Variants in IGF1R observed in about 807,000 individuals in gnomAD.
IGF1R encodes insulin like growth factor 1 receptor, also known as insulin-like growth factor 1 receptor.
In IGF1R, 44 loss-of-function variants were observed where a neutral mutation model predicts 144.6. That is an observed-to-expected ratio of 0.30 (90% CI 0.24 to 0.39). The LOEUF is 0.39. IGF1R is among the 10% of genes least tolerant of loss of function. The pLI, the probability that IGF1R is intolerant of heterozygous loss-of-function variation, is 1.00. For synonymous variants in IGF1R, 795 were observed against 722.8 expected (o/e 1.10, Z -1.60); for missense variants, 1,355 against 1,833.7 (o/e 0.74, Z 4.77).
intron 5 of IGF1R, chr15:98,900,506 G>A (rs1349483628): frequency 6.6e-6 from 1 of 152,212 alleles, no homozygotes; most frequent in Non-Finnish European, 1.5e-5. Flanking sequence ...ACTGCATAAG[G>A]GTTTCTTTAC....
chr15:98,925,227 G>A (rs528570730), intron 13 of IGF1R, among the ~76,000 whole-genome samples: 6 of 152,236 alleles, frequency 3.9e-5, no homozygotes, highest in East Asian at 1.9e-4. Context: ...GGAAATGTAC[G>A]GTGCTCACCC....
intron 2 of IGF1R, among the ~76,000 whole-genome samples, chr15:98,773,228 C>G (rs572426886): frequency 6.6e-6 from 1 of 152,234 alleles, no homozygotes; most frequent in Admixed American, 6.5e-5. Flanking sequence ...ACAGTCCCAT[C>G]CAGAGAGTGT....
At chr15:98,813,742 G>A (rs542181001) in intron 2 of IGF1R, among the ~76,000 whole-genome samples, 2 of 152,314 alleles carry the variant, frequency 1.3e-5, no homozygotes, top group South Asian at 4.1e-4. Flanking sequence ...CAATTTACTG[G>A]ATGCAGAGCG....
rs2015015177 is a variant in IGF1R, at chr15:98,911,457, G to A, written c.1589+16G>A. 1 of 1,614,096 alleles carries A rather than the reference G, an allele frequency of 6.2e-7. No individual in the cohort carries two copies. Among genetic ancestry groups the A allele is most frequent in the Non-Finnish European group, 8.5e-7 (1 of 1,180,000 alleles). On this transcript the variant is annotated intron_variant, in intron 7 of 20. Transcript: ENST00000650285. ...ACAAGGAAGCGTGAGTTTCTGCTTT[G>A]GGTGATGCCATTCTGTTGACAGGGC... is the stretch of plus-strand genomic sequence containing the variant.
Position 98,649,542 on chromosome 15 carries a change from T to C in IGF1R, c.-40T>C, listed in dbSNP as rs1314681161. On this transcript the variant is annotated 5_prime_UTR_variant, in exon 1 of 21. Coordinates refer to ENST00000650285, the MANE Select transcript of IGF1R (RefSeq NM_000875.5). ...TTTCTTTTCTTTTTTTTTTTTTTTTTTTTTTTTGAGAAAGGGGAATTTCAT... is the reference window on the plus strand; with the variant it reads ...TTTCTTTTCTTTTTTTTTTTTTTTTCTTTTTTTGAGAAAGGGGAATTTCAT... 2.7e-6 allele frequency: 2 copies of C among 736,066 alleles called. No homozygotes were observed. Among genetic ancestry groups the C allele is most frequent in the Admixed American group, 3.2e-5 (1 of 31,632 alleles). 45.6% of individuals were successfully genotyped at this position (736,066 alleles called of 1,614,324 possible).
chr15:98,688,188 G>A (rs1274367391), intron 1 of IGF1R, among the ~76,000 whole-genome samples: 1 of 152,128 alleles, frequency 6.6e-6, no homozygotes, highest in Non-Finnish European at 1.5e-5. Context: ...AGGGGGCAGG[G>A]TTTTGGATTC....
intron 2 of IGF1R, among the ~76,000 whole-genome samples, chr15:98,746,934 T>G (rs1185207590): frequency 6.6e-6 from 1 of 152,250 alleles, no homozygotes; most frequent in Non-Finnish European, 1.5e-5. Flanking sequence ...TGGAGCTGTG[T>G]TGTTCTTACA....
intron 20 of IGF1R, among the ~76,000 whole-genome samples, chr15:98,953,392 G>A (rs191441257): frequency 1.3e-5 from 2 of 152,196 alleles, no homozygotes; most frequent in East Asian, 3.9e-4. Context: ...TTCCCTGCTG[G>A]GTCTGTACTT....
chr15:98,732,986 G>A (rs1021722280), intron 2 of IGF1R, among the ~76,000 whole-genome samples: 2 of 152,150 alleles, frequency 1.3e-5, no homozygotes, highest in Admixed American at 1.3e-4. Context: ...AAAGAAAGGA[G>A]CACCCCTCAC....
chr15:98,898,573 A>C (rs2014318711), intron 4 of IGF1R, among the ~76,000 whole-genome samples: 1 of 152,180 alleles, frequency 6.6e-6, no homozygotes, highest in Admixed American at 6.5e-5. Flanking sequence ...GAAAGCTATT[A>C]AATTAAATTA....
intron 1 of IGF1R, among the ~76,000 whole-genome samples, chr15:98,697,929 T>A (rs1318529524): frequency 6.6e-6 from 1 of 151,258 alleles, no homozygotes; most frequent in Admixed American, 6.6e-5. Context: ...GAGATGGGGT[T>A]TCGCCATGTT....
At position 98,878,682 on chromosome 15, in the gene IGF1R, A is replaced by C. The variant is rs1277175364; in HGVS notation, c.641-12643A>C. 9.0e-5 allele frequency among the ~76,000 whole-genome samples: 13 copies of C among 144,838 alleles called. 1 individual carries two copies. In the South Asian group the frequency reaches 1.5e-3, roughly 17 times the overall value. On this transcript the variant is annotated intron_variant, in intron 2 of 20. Transcript: ENST00000650285. The stretch of plus-strand genomic sequence containing the variant: ...AAGACTCAAAAAAAAAAAAAAAAAA[A>C]AAAAAAAAAAAAACAACAACAAAAA...
In IGF1R at chr15:98,689,234, CTT is replaced by C. The variant is rs890361771; in HGVS notation, c.95-18305_95-18304del. ...CAAGCAGCTTTGGACAGTTGCACTACTTTTTTTTTTTTTTTTTTTTTTTTGAC... is the reference window on the plus strand; with the variant it reads ...CAAGCAGCTTTGGACAGTTGCACTACTTTTTTTTTTTTTTTTTTTTTTGAC... On this transcript the variant is annotated intron_variant, in intron 1 of 20. Coordinates refer to ENST00000650285, the MANE Select transcript of IGF1R (RefSeq NM_000875.5). 8.9e-3 allele frequency among the ~76,000 whole-genome samples: 900 copies of C among 100,906 alleles called. 1 individual carries two copies. The highest frequency in any genetic ancestry group is 0.033 in the African/African-American group (839 of 25,384). 66.2% of individuals were successfully genotyped at this position (100,906 alleles called of 152,430 possible). A position where few individuals can be genotyped will look rare whatever the true frequency, so the allele number is the denominator to read the frequency against.
At chr15:98,895,018 C>T (rs1028196576) in intron 3 of IGF1R, among the ~76,000 whole-genome samples, 63 of 123,036 alleles carry the variant, frequency 5.1e-4, no homozygotes, top group African/African-American at 1.9e-3. Flanking sequence ...GAGACCCTGT[C>T]TCAAAAAAAA....
chr15:98,874,804 G>A (rs1258078759), intron 2 of IGF1R, among the ~76,000 whole-genome samples: 1 of 152,232 alleles, frequency 6.6e-6, no homozygotes, highest in African/African-American at 2.4e-5. Context: ...CCTAGCTTGG[G>A]GGTGGGGAGT....
intron 2 of IGF1R, among the ~76,000 whole-genome samples, chr15:98,816,297 T>A (rs1484749623): frequency 6.6e-6 from 1 of 152,236 alleles, no homozygotes; most frequent in East Asian, 1.9e-4. Context: ...GCATATCAGG[T>A]CTCAGGAAAT....
At position 98,664,632 on chromosome 15, in the gene IGF1R, G is replaced by A. The variant is rs537994255; in HGVS notation, c.94+14957G>A. Among the ~76,000 whole-genome samples the A allele has an allele frequency of 8.2e-4, 122 of 149,538 alleles. 1 individual carries two copies. The highest frequency in any genetic ancestry group is 2.9e-3 in the African/African-American group (115 of 39,878). ...GGTTGGAGGTTGGAGGTTGGAGGTT[G>A]CAGTGAGCCAAGATCGCGCCACTGC... On this transcript the variant is annotated intron_variant, in intron 1 of 20. Coordinates refer to ENST00000650285, the MANE Select transcript of IGF1R (RefSeq NM_000875.5).
intron 1 of IGF1R, among the ~76,000 whole-genome samples, chr15:98,699,351 T>G (rs1344027321): frequency 6.6e-6 from 1 of 152,332 alleles, no homozygotes; most frequent in African/African-American, 2.4e-5. Context: ...TCTCCTGGTG[T>G]CCTGCTTCAT....
rs1596400870 is a variant in IGF1R at position 98,889,768 on chromosome 15, G to A, written c.641-1557G>A. On this transcript the variant is annotated intron_variant, in intron 2 of 20. Transcript: ENST00000650285. ...TTCTCTATATTCTCTTTACTTGTTTGTGATCTCTGGTTTTTTTAATCATGT... is the reference window on the plus strand; with the variant it reads ...TTCTCTATATTCTCTTTACTTGTTTATGATCTCTGGTTTTTTTAATCATGT... 2.0e-5 allele frequency among the ~76,000 whole-genome samples: 3 copies of A among 152,238 alleles called. No homozygotes were observed. In the East Asian group the frequency reaches 5.8e-4, roughly 29 times the overall value.
Sources: gnomAD v4.1 joint callset for allele counts (sites outside exome capture counted in the v4.1 genomes callset) on GRCh38, gnomAD v4.1.1 for gene constraint, MANE v1.5 for transcripts, NCBI Gene and HGNC (gene_info 2026-07-23, HGNC 2026-07-21) for gene names.